MND1: variants seen among roughly 807,000 people sequenced by gnomAD.
MND1 encodes meiotic nuclear division protein 1 homolog.
MND1 carries 28 observed loss-of-function variants against 35.1 expected under a neutral mutation model. The ratio of observed to expected loss-of-function variants is 0.80; its 90% CI spans 0.59 to 1.09. The LOEUF (loss-of-function observed/expected upper bound fraction) is 1.09, where lower values mean the gene tolerates loss of function less well. Among genes scored for constraint, MND1 ranks in the 50% least tolerant of loss-of-function variants. The pLI, the probability that MND1 is intolerant of heterozygous loss-of-function variation, is 0.00. For missense variants in MND1, 213 were observed against 239.6 expected, an observed-to-expected ratio of 0.89 and a Z score of 0.73; for synonymous variants, 69 against 70.5, an observed-to-expected ratio of 0.98 and a Z score of 0.11.
chr4:153,410,481 C>T (rs1249896127), intron 7 of MND1, among the ~76,000 whole-genome samples: 1 of 152,096 alleles, frequency 6.6e-6, no homozygotes, highest in African/African-American at 2.4e-5. Flanking sequence ...CCTCAGAAAA[C>T]CGCCACCTTC....
chr4:153,345,340 T>G, intron 1 of MND1: 1 of 985,520 alleles, frequency 1.0e-6, no homozygotes, highest in Non-Finnish European at 1.2e-6. Context: ...GGATCTTCAC[T>G]GTGTGCCAAT....
intron 6 of MND1, among the ~76,000 whole-genome samples, chr4:153,403,121 G>A (rs1294212576): frequency 6.6e-6 from 1 of 152,028 alleles, no homozygotes; most frequent in Non-Finnish European, 1.5e-5. Context: ...GGGTGACAGA[G>A]TGAGAACCTT....
At chr4:153,348,911 C>A (rs145258496) in intron 1 of MND1, among the ~76,000 whole-genome samples, 2 of 152,182 alleles carry the variant, frequency 1.3e-5, no homozygotes, top group African/African-American at 2.4e-5. Flanking sequence ...TGTAAACTCA[C>A]GTTTTCTGAT....
intron 6 of MND1, among the ~76,000 whole-genome samples, chr4:153,401,880 T>A (rs1435306721): frequency 6.6e-6 from 1 of 152,188 alleles, no homozygotes; most frequent in African/African-American, 2.4e-5. Context: ...ATTATTGATA[T>A]CATTAAGCAA....
chr4:153,412,484 C>CTT (rs59668809), intron 7 of MND1, among the ~76,000 whole-genome samples: 19 of 138,548 alleles, frequency 1.4e-4, no homozygotes, highest in African/African-American at 2.7e-4. Flanking sequence ...TCCAAATTTC[C>CTT]TTTTTTTTTT....
At chr4:153,394,503 TTTA>T (rs1480647824) in intron 5 of MND1, among the ~76,000 whole-genome samples, 167 bp downstream of exon 5, 1 of 152,054 alleles carries the variant, frequency 6.6e-6, no homozygotes, top group African/African-American at 2.4e-5. Flanking sequence ...GAGTCTAGAT[TTTA>T]TTATTATTAT....
intron 7 of MND1, among the ~76,000 whole-genome samples, chr4:153,412,600 A>G (rs1729714755): frequency 6.7e-6 from 1 of 149,772 alleles, no homozygotes; most frequent in South Asian, 2.1e-4. Flanking sequence ...TCCCTGCCTC[A>G]GCCTTCCGAG....
chr4:153,367,312 C>T (rs1773662153), intron 4 of MND1, among the ~76,000 whole-genome samples: 2 of 152,148 alleles, frequency 1.3e-5, no homozygotes, highest in Non-Finnish European at 2.9e-5. Flanking sequence ...CTTCTCAGCC[C>T]ACTCCTCCCA....
intron 4 of MND1, among the ~76,000 whole-genome samples, chr4:153,378,420 A>G (rs1463646789): frequency 9.2e-5 from 14 of 152,234 alleles, no homozygotes; most frequent in Non-Finnish European, 8.8e-5. Flanking sequence ...TGGAATGGAT[A>G]TATGATAAGT....
intron 2 of MND1, among the ~76,000 whole-genome samples, chr4:153,353,733 G>A (rs923380327): frequency 2.0e-5 from 3 of 151,298 alleles, no homozygotes; most frequent in Admixed American, 2.0e-4. Context: ...AGGTTTTTTT[G>A]TTCTTATTGT....
At chr4:153,400,572 T>C (rs1729321940) in intron 6 of MND1, among the ~76,000 whole-genome samples, 2 of 152,008 alleles carry the variant, frequency 1.3e-5, no homozygotes, top group African/African-American at 4.8e-5. Flanking sequence ...TTTATTCAAG[T>C]TTTCTTCCTC....
chr4:153,397,295 A>C lies in MND1; in HGVS notation c.428A>C (p.Lys143Thr), dbSNP rs775662709. Residue 143 changes from lysine (K) to threonine (T), a missense_variant, in exon 6 of 8, where the codon AAA (lysine) becomes ACA (threonine). Physicochemically the swap from Lys to Thr is moderately conservative, Grantham distance 78 (BLOSUM62 -1). Coordinates refer to ENST00000240488, the MANE Select transcript of MND1 (RefSeq NM_032117.4). ...QREQLKAEVEKYKDCDPQVVE... is the reference protein window; with the variant it reads ...QREQLKAEVETYKDCDPQVVE... Reference sequence around the variant, plus strand: ...GAACAGCTAAAGGCAGAAGTAGAAAAATACAAAGACTGTGATCCGCAAGTT... The same window carrying C: ...GAACAGCTAAAGGCAGAAGTAGAAACATACAAAGACTGTGATCCGCAAGTT... 3 of 1,613,056 alleles carry C rather than the reference A, an allele frequency of 1.9e-6. No individual in the cohort carries two copies. The highest frequency in any genetic ancestry group is 2.5e-6 in the Non-Finnish European group (3 of 1,179,442).
intron 4 of MND1, among the ~76,000 whole-genome samples, chr4:153,387,146 T>G (rs1028631134): frequency 6.6e-6 from 1 of 152,268 alleles, no homozygotes; most frequent in African/African-American, 2.4e-5. Context: ...TTAGTGCATT[T>G]TCTTGCAGTG....
intron 4 of MND1, among the ~76,000 whole-genome samples, chr4:153,392,669 G>A (rs1484087474): frequency 7.2e-5 from 11 of 152,178 alleles, no homozygotes; most frequent in Admixed American, 7.2e-4. Context: ...CCAACACTCT[G>A]AAATTAACCA....
intron 2 of MND1, among the ~76,000 whole-genome samples, chr4:153,354,895 G>A (rs1279407685): frequency 2.0e-5 from 3 of 152,166 alleles, no homozygotes; most frequent in Admixed American, 6.5e-5. Flanking sequence ...AAGCATGGTG[G>A]CTCATCTCTG....
chr4:153,395,112 CAT>C (rs1287392073), intron 5 of MND1, among the ~76,000 whole-genome samples: 3 of 152,174 alleles, frequency 2.0e-5, no homozygotes, highest in Non-Finnish European at 4.4e-5. Flanking sequence ...AGTTATTTCA[CAT>C]ATATTCTTTT....
intron 4 of MND1, among the ~76,000 whole-genome samples, chr4:153,373,216 G>A (rs1773834376): frequency 6.6e-6 from 1 of 151,972 alleles, no homozygotes; most frequent in South Asian, 2.1e-4. Flanking sequence ...TGTTAAATCT[G>A]CCATCTTATC....
chr4:153,386,003 G>T (rs537904799), intron 4 of MND1, among the ~76,000 whole-genome samples: 1 of 152,258 alleles, frequency 6.6e-6, no homozygotes, highest in South Asian at 2.1e-4. Flanking sequence ...GGATGATAAT[G>T]ATGTCAATGT....
intron 4 of MND1, 81 bp downstream of exon 4, chr4:153,358,703 TTC>T: frequency 7.2e-7 from 1 of 1,397,650 alleles, no homozygotes; most frequent in South Asian, 1.7e-5. Flanking sequence ...GTTTAGCAGT[TTC>T]TTTTGAATTT....
Sources: allele counts gnomAD v4.1 joint callset (sites outside exome capture counted in the v4.1 genomes callset), GRCh38; gene constraint gnomAD v4.1.1; transcripts MANE v1.5; gene names NCBI Gene and HGNC (gene_info 2026-07-23, HGNC 2026-07-21).